PANX3: variants seen among roughly 807,000 people sequenced by gnomAD.
The protein encoded by PANX3 is pannexin-3.
In PANX3, 18 loss-of-function variants were observed where a neutral mutation model predicts 31.5. That is an observed-to-expected ratio of 0.57 (90% confidence interval 0.39 to 0.85). PANX3 has a LOEUF of 0.85. Ranked by LOEUF, PANX3 falls within the 40% of genes least tolerant of loss-of-function variation. PANX3 has a pLI of 0.00. For synonymous variants in PANX3, 194 were observed against 201.6 expected (o/e 0.96, Z 0.32); for missense variants, 426 against 485.4 (o/e 0.88, Z 1.15).
chr11:124,615,448 T>C (rs914241149), intron 2 of PANX3, among the ~76,000 whole-genome samples: 2 of 152,156 alleles, frequency 1.3e-5, no homozygotes, highest in Non-Finnish European at 2.9e-5. Flanking sequence ...CAAATTCTCT[T>C]CTGAAATAAC....
chr11:124,612,987 G>T lies in PANX3; in HGVS notation c.189G>T (p.Pro63=). Residue 63 remains proline, a synonymous_variant, in exon 2 of 4, where the codon CCG becomes CCT. Transcript: ENST00000284288. ...AFAQEFSSGS[P]ISCFSPSNFS... ...GCTGTGTTCCTGTTGCAGGGTCTCC[G>T]ATCAGCTGCTTCTCTCCCAGTAACT... The T allele has an allele frequency of 6.2e-7, 1 of 1,614,038 alleles. No homozygotes were observed. Among genetic ancestry groups the T allele is most frequent in the Non-Finnish European group, 8.5e-7 (1 of 1,179,990 alleles).
chr11:124,617,326 T>TGCTGTGGCAGTATGCA lies in PANX3; in HGVS notation c.384_399dup (p.Pro134AlafsTer24). Reference sequence around the variant, plus strand: ...GCCTTGCTCATGTACCTGCCGGTGCTGCTGTGGCAGTATGCAGCTGTGCCA... The same window carrying TGCTGTGGCAGTATGCA: ...GCCTTGCTCATGTACCTGCCGGTGCTGCTGTGGCAGTATGCAGCTGTGGCAGTATGCAGCTGTGCCA... On this transcript the variant is annotated frameshift_variant, in exon 3 of 4. Coordinates refer to ENST00000284288, the MANE Select transcript of PANX3 (RefSeq NM_052959.3). LOFTEE classifies it high-confidence loss of function. 1.2e-6 allele frequency: 2 copies of TGCTGTGGCAGTATGCA among 1,611,760 alleles called. No individual in the cohort carries two copies. Among genetic ancestry groups the TGCTGTGGCAGTATGCA allele is most frequent in the Non-Finnish European group, 1.7e-6 (2 of 1,180,036 alleles).
In PANX3 at chr11:124,613,138, T is replaced by C. The variant is rs747573476; in HGVS notation, c.324+16T>C. On this transcript the variant is annotated intron_variant, in intron 2 of 3. Transcript: ENST00000284288. ...GCCCCACAAGGTAAAGCAAACTCTC[T>C]GTAAGGCCAGCTTCACGGCTGAGTG... 13 of 1,610,658 alleles carry C rather than the reference T, an allele frequency of 8.1e-6. No homozygotes were observed.
Position 124,613,148 on chromosome 11 carries a change from G to T in PANX3, c.324+26G>T, listed in dbSNP as rs769356475. 3 of 1,607,444 alleles carry T rather than the reference G, an allele frequency of 1.9e-6. No individual in the cohort carries two copies. In the South Asian group the frequency reaches 3.3e-5, roughly 18 times the overall value. On this transcript the variant is annotated intron_variant, in intron 2 of 3. Coordinates refer to ENST00000284288, the MANE Select transcript of PANX3 (RefSeq NM_052959.3). The stretch of plus-strand genomic sequence containing the variant: ...GTAAAGCAAACTCTCTGTAAGGCCA[G>T]CTTCACGGCTGAGTGGAGTGGTGCA...
chr11:124,619,670 A>G lies in PANX3; in HGVS notation c.914A>G (p.Tyr305Cys), dbSNP rs745336792. 6 of 1,614,182 alleles carry G rather than the reference A, an allele frequency of 3.7e-6. No individual in the cohort carries two copies. The South Asian group carries it at 4.4e-5, about 12-fold the overall frequency. Residue 305 changes from tyrosine (Y) to cysteine (C), a missense_variant, in exon 4 of 4, where the codon TAT (tyrosine) becomes TGT (cysteine). Transcript: ENST00000284288. ...CRWDKRLLSV[Y>C]EMLPAFDLLS... ...TGGGACAAACGACTTTTATCTGTCT[A>G]TGAGATGCTCCCAGCTTTTGATCTC...
At chr11:124,618,802 A>C (rs1281556236) in intron 3 of PANX3, among the ~76,000 whole-genome samples, 2 of 152,210 alleles carry the variant, frequency 1.3e-5, no homozygotes, top group East Asian at 3.9e-4. Flanking sequence ...ACACTACTAC[A>C]CCCAGCTAAT....
intron 1 of PANX3, 88 bp from the exon 2 acceptor site, chr11:124,612,892 G>A (rs1255771332): frequency 2.0e-6 from 3 of 1,512,782 alleles, no homozygotes; most frequent in African/African-American, 1.4e-5. Flanking sequence ...GCCAGAAACA[G>A]AAACTGGGGA....
rs79609953 is a variant in PANX3 at position 124,612,561 on chromosome 11, C to T, written c.182-419C>T. 8.5e-3 allele frequency among the ~76,000 whole-genome samples: 1,299 copies of T among 152,322 alleles called. 21 individuals carry two copies. Among genetic ancestry groups the T allele is most frequent in the African/African-American group, 0.03 (1,234 of 41,562 alleles). On this transcript the variant is annotated intron_variant, in intron 1 of 3. Transcript: ENST00000284288. ...CTCTCCTCCAAGTCCACTTTCCTTT[C>T]GGCATAATTTGCCCACCCTTTCTCT...
chr11:124,614,665 CCTTT>C (rs1227264077), intron 2 of PANX3, among the ~76,000 whole-genome samples: 1 of 148,406 alleles, frequency 6.7e-6, no homozygotes, highest in Non-Finnish European at 1.5e-5. Flanking sequence ...CAATAAACGC[CCTTT>C]CTTTTTTTTT....
chr11:124,617,492 A>T lies in PANX3; in HGVS notation c.539+4A>T. The T allele has an allele frequency of 6.2e-7, 1 of 1,613,774 alleles. No individual in the cohort carries two copies. ...TGTTCTGGAATGAGCTGGAGAAGTGAGTTGTCTCTTCCACCTTTTTCTGAG... is the reference window on the plus strand; with the variant it reads ...TGTTCTGGAATGAGCTGGAGAAGTGTGTTGTCTCTTCCACCTTTTTCTGAG... On this transcript the variant is annotated splice_donor_region_variant and intron_variant, in intron 3 of 3. Coordinates refer to ENST00000284288, the MANE Select transcript of PANX3 (RefSeq NM_052959.3).
chr11:124,619,548 A>G lies in PANX3; in HGVS notation c.792A>G (p.Thr264=), dbSNP rs1247258499. 2 of 1,614,246 alleles carry G rather than the reference A, an allele frequency of 1.2e-6. No individual in the cohort carries two copies. The highest frequency in any genetic ancestry group is 1.7e-5 in the Admixed American group (1 of 60,028). Residue 264 remains threonine (T), a synonymous_variant, in exon 4 of 4, where the codon ACA becomes ACG. Transcript: ENST00000284288. ...HVPNLITCRL[T]SLSIFQIVSL... ...CCAATCTGATCACATGCAGGCTGACATCACTGTCCATTTTCCAGATTGTTA... is the reference window on the plus strand; with the variant it reads ...CCAATCTGATCACATGCAGGCTGACGTCACTGTCCATTTTCCAGATTGTTA...
rs1863195312 is a variant in PANX3, at chr11:124,619,725, CA to C, written c.971del (p.Asn324MetfsTer5). On this transcript the variant is annotated frameshift_variant, in exon 4 of 4. Coordinates refer to ENST00000284288, the MANE Select transcript of PANX3 (RefSeq NM_052959.3). LOFTEE classifies it high-confidence loss of function. ...GCAGAAAGATGCTAGGATGTCCCAT[CA>C]ATGACCTCAATGTGATCCTTCTTTT... ...LSRKMLGCPI[N>X]DLNVILLFLR... 3.7e-6 allele frequency: 6 copies of C among 1,614,198 alleles called. No individual in the cohort carries two copies. Among genetic ancestry groups the C allele is most frequent in the Non-Finnish European group, 5.1e-6 (6 of 1,180,052 alleles).
At chr11:124,611,883 G>A in intron 1 of PANX3, 146 bp downstream of exon 1, 1 of 752,974 alleles carries the variant, frequency 1.3e-6, no homozygotes, top group Non-Finnish European at 1.9e-6. Context: ...GATGGTGCAT[G>A]AGTTCAGGGC....
Position 124,619,664 on chromosome 11 carries a change from C to T in PANX3, c.908C>T (p.Ser303Phe). The change falls in exon 4 of 4, where the codon TCT (serine) becomes TTT (phenylalanine). Residue 303 changes from serine to phenylalanine, a missense_variant. Coordinates refer to ENST00000284288, the MANE Select transcript of PANX3 (RefSeq NM_052959.3). The stretch of plus-strand genomic sequence containing the variant: ...TGTCGGTGGGACAAACGACTTTTAT[C>T]TGTCTATGAGATGCTCCCAGCTTTT... ...RLCRWDKRLL[S>F]VYEMLPAFDL... is the part of the protein sequence containing the mutation. 1 of 1,614,112 alleles carries T rather than the reference C, an allele frequency of 6.2e-7. No homozygotes were observed. Among genetic ancestry groups the T allele is most frequent in the Middle Eastern group, 1.6e-4 (1 of 6,062 alleles).
chr11:124,612,556 C>G (rs2134309304), intron 1 of PANX3, among the ~76,000 whole-genome samples: 1 of 152,232 alleles, frequency 6.6e-6, no homozygotes, highest in East Asian at 1.9e-4. Context: ...AGTCCACTTT[C>G]CTTTCGGCAT....
rs926615229 is a variant in PANX3, at chr11:124,617,351, A to C, written c.402A>C (p.Pro134=). The part of the protein sequence containing the change: ...PVLLWQYAAV[P]ALSSDLLFII... Reference sequence around the variant, plus strand: ...TGCTGTGGCAGTATGCAGCTGTGCCAGCCCTCAGCTCCGATCTGCTGTTCA... The same window carrying C: ...TGCTGTGGCAGTATGCAGCTGTGCCCGCCCTCAGCTCCGATCTGCTGTTCA... Residue 134 remains proline, a synonymous_variant, in exon 3 of 4, where the codon CCA becomes CCC. Coordinates refer to ENST00000284288, the MANE Select transcript of PANX3 (RefSeq NM_052959.3). The C allele has an allele frequency of 1.2e-6, 2 of 1,613,152 alleles. No individual in the cohort carries two copies. Among genetic ancestry groups the C allele is most frequent in the Non-Finnish European group, 1.7e-6 (2 of 1,180,012 alleles).
At position 124,620,023 on chromosome 11, in the gene PANX3, A is replaced by G. The variant is rs576147297; in HGVS notation, c.*88A>G. 12 of 1,382,064 alleles carry G rather than the reference A, an allele frequency of 8.7e-6. No individual in the cohort carries two copies. Among genetic ancestry groups the G allele is most frequent in the Admixed American group, 2.4e-5 (1 of 42,358 alleles). 85.6% of individuals were successfully genotyped at this position (1,382,064 alleles called of 1,614,324 possible). A position where few individuals can be genotyped will look rare whatever the true frequency, so the allele number is the denominator to read the frequency against. On this transcript the variant is annotated 3_prime_UTR_variant, in exon 4 of 4. Coordinates refer to ENST00000284288, the MANE Select transcript of PANX3 (RefSeq NM_052959.3). ...CACTAATACACATACACACCAAAAA[A>G]TTACACATTTTAAAACTGCTAAGCT...
rs1000456121 is a variant in PANX3 at position 124,611,733 on chromosome 11, C to T, written c.177C>T (p.Ser59=). ...CCCTGGCATTCGCCCAGGAGTTCTC[C>T]TCTGGTAAGTTGCTTCCAAGACCCA... The part of the protein sequence containing the change: ...LMSLAFAQEF[S]SGSPISCFSP... The change falls in exon 1 of 4, where the codon TCC becomes TCT. Residue 59 remains serine (S), a synonymous_variant. Coordinates refer to ENST00000284288, the MANE Select transcript of PANX3 (RefSeq NM_052959.3). 6 of 1,613,332 alleles carry T rather than the reference C, an allele frequency of 3.7e-6. No individual in the cohort carries two copies. The highest frequency in any genetic ancestry group is 5.1e-6 in the Non-Finnish European group (6 of 1,179,596).
chr11:124,612,229 G>C (rs1863102782), intron 1 of PANX3, among the ~76,000 whole-genome samples: 1 of 152,168 alleles, frequency 6.6e-6, no homozygotes, highest in East Asian at 1.9e-4. Flanking sequence ...TGGAGATGCT[G>C]CATAAACCCA....
Sources: allele counts gnomAD v4.1 joint callset (sites outside exome capture counted in the v4.1 genomes callset), GRCh38; gene constraint gnomAD v4.1.1; transcripts MANE v1.5; gene names NCBI Gene and HGNC (gene_info 2026-07-23, HGNC 2026-07-21).